Variants in TCF25 observed in about 807,000 individuals in gnomAD.
TCF25 encodes the protein ribosome quality control complex subunit TCF25.
A neutral mutation model predicts 83.1 loss-of-function variants in TCF25; 41 were observed. The ratio of observed to expected loss-of-function variants is 0.49; its 90% CI spans 0.38 to 0.64. TCF25 has a LOEUF of 0.64. Among genes scored for constraint, TCF25 ranks in the 30% least tolerant of loss-of-function variants. TCF25 has a pLI of 0.00. For missense variants in TCF25, 979 were observed against 914.5 expected, an observed-to-expected ratio of 1.07 and a Z score of -0.91; for synonymous variants, 458 against 365.0, an observed-to-expected ratio of 1.25 and a Z score of -2.90.
At chr16:89,899,429 G>A (rs2044143167) in intron 11 of TCF25, among the ~76,000 whole-genome samples, 2 of 152,170 alleles carry the variant, frequency 1.3e-5, no homozygotes, top group African/African-American at 4.8e-5. Context: ...CTTTAATGCA[G>A]CTCCCAGAAA....
chr16:89,882,700 C>T (rs1272837801), intron 1 of TCF25, among the ~76,000 whole-genome samples: 2 of 152,228 alleles, frequency 1.3e-5, no homozygotes. Flanking sequence ...GATTATACCA[C>T]TTCAGCCTCC....
At chr16:89,910,319 G>A (rs1237125309) in intron 16 of TCF25, 5 of 539,346 alleles carry the variant, frequency 9.3e-6, no homozygotes, top group Non-Finnish European at 1.7e-5. Flanking sequence ...GGATGGCTGT[G>A]GGAGCCTCGC....
intron 1 of TCF25, among the ~76,000 whole-genome samples, chr16:89,880,745 C>T (rs949744615): frequency 6.6e-6 from 1 of 152,184 alleles, no homozygotes; most frequent in African/African-American, 2.4e-5. Flanking sequence ...AGTAAACCAG[C>T]ACCCAGCTTC....
Position 89,910,667 on chromosome 16 carries a change from G to C in TCF25, c.1872+4G>C, listed in dbSNP as rs376766385. On this transcript the variant is annotated splice_donor_region_variant and intron_variant, in intron 17 of 17. Coordinates refer to ENST00000263346, the MANE Select transcript of TCF25 (RefSeq NM_014972.3). ...GTTGCCAAACTATACCATGGAGGTA[G>C]GTTGAGCTCGTCCCAGCCCCTGCCT... The C allele has an allele frequency of 4.9e-5, 79 of 1,613,350 alleles. No individual in the cohort carries two copies. In the African/African-American group the frequency reaches 8.5e-4, roughly 17 times the overall value.
In TCF25 at chr16:89,903,113, C is replaced by T. The variant is rs569185357; in HGVS notation, c.1382-1005C>T. ...ACCAGTGCAGCCGTGTCTGGAAACG[C>T]GGCTGGGAGGCCCTGTCCTTTGTGG... On this transcript the variant is annotated intron_variant, in intron 12 of 17. Transcript: ENST00000263346. 2.6e-5 allele frequency among the ~76,000 whole-genome samples: 4 copies of T among 152,370 alleles called. No individual in the cohort carries two copies. The South Asian group carries it at 6.2e-4, about 24-fold the overall frequency.
At chr16:89,891,227 T>C (rs11642267) in intron 5 of TCF25, among the ~76,000 whole-genome samples, 10,059 of 152,276 alleles carry the variant, frequency 0.066, 538 homozygotes, top group East Asian at 0.26. Flanking sequence ...TTTTGTGGGA[T>C]AGCTCACCGC....
At chr16:89,884,430 G>A (rs2042830369) in intron 2 of TCF25, 152 bp from the exon 3 acceptor site, 1 of 701,150 alleles carries the variant, frequency 1.4e-6, no homozygotes, top group Non-Finnish European at 2.4e-6. Context: ...GGTGCCTGCT[G>A]GAGAGAAGAG....
chr16:89,886,852 G>A (rs1006707119), intron 4 of TCF25, among the ~76,000 whole-genome samples: 1 of 151,772 alleles, frequency 6.6e-6, no homozygotes, highest in African/African-American at 2.4e-5. Flanking sequence ...CAGGAGAATC[G>A]CTTGAACCCG....
intron 13 of TCF25, chr16:89,904,603 G>T: frequency 2.0e-6 from 1 of 499,226 alleles, no homozygotes; most frequent in Non-Finnish European, 3.7e-6. Flanking sequence ...CAAAGAGGGA[G>T]CAAACACAGG....
intron 5 of TCF25, chr16:89,889,968 C>T (rs574236797): frequency 6.6e-6 from 1 of 152,214 alleles, no homozygotes; most frequent in African/African-American, 2.4e-5. Flanking sequence ...CTCCTGGGTT[C>T]AAACGATTCT....
chr16:89,908,233 A>C (rs1597392016), intron 16 of TCF25, among the ~76,000 whole-genome samples: 1 of 63,382 alleles, frequency 1.6e-5, no homozygotes, highest in African/African-American at 7.7e-5. Flanking sequence ...CCCTCCTCTC[A>C]GTTCCCACCT....
chr16:89,911,356 T>G lies in TCF25; in HGVS notation c.*118T>G. 7.3e-7 allele frequency: 1 copy of G among 1,363,502 alleles called. No homozygotes were observed. Among genetic ancestry groups the G allele is most frequent in the Non-Finnish European group, 1.0e-6 (1 of 989,856 alleles). The allele number at this position is 1,363,502 out of a possible 1,614,324, so 84.5% of individuals were successfully genotyped here. On this transcript the variant is annotated 3_prime_UTR_variant, in exon 18 of 18. Coordinates refer to ENST00000263346, the MANE Select transcript of TCF25 (RefSeq NM_014972.3). ...GTGTGTCGCTCCCTGGTCCACTGTTTCTCCTATAAATGTAAATGGGTCACG... is the reference window on the plus strand; with the variant it reads ...GTGTGTCGCTCCCTGGTCCACTGTTGCTCCTATAAATGTAAATGGGTCACG...
At chr16:89,900,605 C>G in intron 11 of TCF25, 30 bp from the exon 12 acceptor site, 2 of 1,556,616 alleles carry the variant, frequency 1.3e-6, no homozygotes, top group Non-Finnish European at 1.8e-6. Context: ...TGACTTAAGG[C>G]TCCACGCTCT....
At chr16:89,881,224 G>T (rs2042582470) in intron 1 of TCF25, among the ~76,000 whole-genome samples, 1 of 152,134 alleles carries the variant, frequency 6.6e-6, no homozygotes, top group African/African-American at 2.4e-5. Context: ...ACCGCAGCCG[G>T]GGTGTCTGTC....
chr16:89,900,386 C>T (rs1417427870), intron 11 of TCF25, among the ~76,000 whole-genome samples: 5 of 151,786 alleles, frequency 3.3e-5, no homozygotes, highest in African/African-American at 4.8e-5. Flanking sequence ...TCACTCCCCA[C>T]GGTGTCCTCG....
intron 1 of TCF25, chr16:89,878,481 TC>T (rs1567692593): frequency 1.1e-6 from 1 of 915,814 alleles, no homozygotes; most frequent in South Asian, 1.6e-5. Flanking sequence ...CATTTTCCTC[TC>T]CCCCTAAAAA....
At chr16:89,874,091 C>G (rs1188865332) in intron 1 of TCF25, among the ~76,000 whole-genome samples, 5 of 38,812 alleles carry the variant, frequency 1.3e-4, no homozygotes, top group African/African-American at 4.1e-4. Context: ...GTTCTAACCC[C>G]GGTGAGGTGG....
In TCF25 at chr16:89,900,762, T is replaced by G; in HGVS notation, c.1349T>G (p.Leu450Arg). 6.3e-7 allele frequency: 1 copy of G among 1,592,898 alleles called. No individual in the cohort carries two copies. Among genetic ancestry groups the G allele is most frequent in the South Asian group, 1.1e-5 (1 of 90,528 alleles). The change falls in exon 12 of 18, where the codon CTG becomes CGG. Residue 450 changes from leucine (L) to arginine (R), a missense_variant. Physicochemically the swap from Leu to Arg is moderately radical, Grantham distance 102. Transcript: ENST00000263346. Reference protein sequence around the residue: ...QSSARQKASLLIQQALTMFPG... With the variant: ...QSSARQKASLRIQQALTMFPG... ...TCTGCCAGGCAGAAGGCCTCTCTCC[T>G]GATACAGCAGGCGCTCACCATGTTC...
At chr16:89,907,530 T>TCCC (rs2044971339) in intron 16 of TCF25, among the ~76,000 whole-genome samples, 1 of 2,256 alleles carries the variant, frequency 4.4e-4, no homozygotes, top group Non-Finnish European at 7.9e-4. Context: ...CTCCTCCCAG[T>TCCC]TCCTACCTCC....
Sources: allele counts gnomAD v4.1 joint callset (sites outside exome capture counted in the v4.1 genomes callset), GRCh38; gene constraint gnomAD v4.1.1; transcripts MANE v1.5; gene names NCBI Gene and HGNC (gene_info 2026-07-23, HGNC 2026-07-21).